EXOSC8: variants seen among roughly 807,000 people sequenced by gnomAD.
The protein encoded by EXOSC8 is exosome component 8, also known as exosome complex component RRP43.
A neutral mutation model predicts 39.9 loss-of-function variants in EXOSC8; 37 were observed. That is an observed-to-expected ratio of 0.93 (90% confidence interval 0.71 to 1.22). The LOEUF (loss-of-function observed/expected upper bound fraction) is 1.22. Among genes scored for constraint, EXOSC8 ranks in the 50% most tolerant of loss-of-function variants. The probability of loss-of-function intolerance (pLI) is 0.00; values close to 1 mark genes in which losing one functional copy is unlikely to be tolerated. For missense variants in EXOSC8, 313 were observed against 326.6 expected (o/e 0.96, Z 0.32); for synonymous variants, 93 against 109.5 (o/e 0.85, Z 0.94).
At chr13:37,007,155 C>T (rs2059144663) in intron 8 of EXOSC8, 84 bp downstream of exon 8, 6 of 833,962 alleles carry the variant, frequency 7.2e-6, no homozygotes, top group Middle Eastern at 2.2e-4. Flanking sequence ...CATTTGCTTT[C>T]GTATGCTTCC....
intron 4 of EXOSC8, chr13:37,004,164 G>A (rs1437492884): frequency 2.8e-5 from 5 of 175,578 alleles, no homozygotes; most frequent in Admixed American, 6.3e-5. Context: ...GAGCCACCGC[G>A]CCCAGCTGAG....
Position 37,006,961 on chromosome 13 carries a change from T to G in EXOSC8, c.391-14T>G. The G allele has an allele frequency of 6.5e-7, 1 of 1,546,254 alleles. No individual in the cohort carries two copies. Among genetic ancestry groups the G allele is most frequent in the Non-Finnish European group, 8.9e-7 (1 of 1,118,376 alleles). Reference sequence around the variant, plus strand: ...GAAGACTTTAATTTCCTTTTGTGTTTAATTCTATTTTAGCTTGTCTGGGTT... The same window carrying G: ...GAAGACTTTAATTTCCTTTTGTGTTGAATTCTATTTTAGCTTGTCTGGGTT... On this transcript the variant is annotated splice_polypyrimidine_tract_variant and intron_variant, in intron 7 of 10. Transcript: ENST00000389704.
In EXOSC8 at chr13:37,009,209, A is replaced by G; in HGVS notation, c.741A>G (p.Lys247=). Residue 247 remains lysine, a synonymous_variant, in exon 11 of 11, where the codon AAA becomes AAG. Transcript: ENST00000389704. ...KPGGSGLTGA[K]LQDCMSRAVT... ...GTGGAAGTGGGCTAACTGGAGCTAA[A>G]CTTCAGGACTGTATGAGCCGAGCAG... 6.2e-7 allele frequency: 1 copy of G among 1,611,810 alleles called. No homozygotes were observed.
At chr13:37,004,234 A>T (rs2059124314) in intron 4 of EXOSC8, 1 of 292,486 alleles carries the variant, frequency 3.4e-6, no homozygotes, top group Non-Finnish European at 6.3e-6. Context: ...TCTGGAGAAC[A>T]AATTAAGATT....
Position 37,009,039 on chromosome 13 carries a change from T to C in EXOSC8, c.716-145T>C, listed in dbSNP as rs1292195094. 14 of 694,502 alleles carry C rather than the reference T, an allele frequency of 2.0e-5. No individual in the cohort carries two copies. The Admixed American group carries it at 3.6e-4, about 18-fold the overall frequency. 43.0% of individuals were successfully genotyped at this position (694,502 alleles called of 1,614,324 possible). A position where few individuals can be genotyped will look rare whatever the true frequency, so the allele number is the denominator to read the frequency against. On this transcript the variant is annotated intron_variant, in intron 10 of 10. Transcript: ENST00000389704. Reference sequence around the variant, plus strand: ...GACATACATTAGAATCACTTGGAGGTCTTGTGAAACTAACTTGTAGATCTT... The same window carrying C: ...GACATACATTAGAATCACTTGGAGGCCTTGTGAAACTAACTTGTAGATCTT...
chr13:37,005,556 A>C (rs2059132770), intron 5 of EXOSC8, among the ~76,000 whole-genome samples: 1 of 152,066 alleles, frequency 6.6e-6, no homozygotes, highest in African/African-American at 2.4e-5. Context: ...TACCTTTAAC[A>C]CTTCAGTAAT....
intron 10 of EXOSC8, 117 bp from the exon 11 acceptor site, chr13:37,009,067 G>A: frequency 1.4e-6 from 1 of 739,940 alleles, no homozygotes; most frequent in Non-Finnish European, 2.3e-6. Flanking sequence ...TAGATCTTGA[G>A]ACTGTACCCT....
At chr13:37,008,026 T>A in intron 8 of EXOSC8, 31 bp from the exon 9 acceptor site, 1 of 1,510,248 alleles carries the variant, frequency 6.6e-7, no homozygotes. Flanking sequence ...TCTTAGAGAC[T>A]TACTTACTTT....
intron 9 of EXOSC8, 65 bp from the exon 10 acceptor site, chr13:37,008,664 T>C (rs1222926052): frequency 6.2e-6 from 6 of 966,904 alleles, no homozygotes; most frequent in Non-Finnish European, 9.7e-6. Flanking sequence ...GCTGATAGTA[T>C]GTTTAGTATT....
rs2059111264 is a variant in EXOSC8, at chr13:37,002,261, C to G, written c.18-12C>G. The G allele has an allele frequency of 6.3e-7, 1 of 1,597,330 alleles. No homozygotes were observed. Among genetic ancestry groups the G allele is most frequent in the African/African-American group, 1.3e-5 (1 of 74,760 alleles). On this transcript the variant is annotated splice_polypyrimidine_tract_variant and intron_variant, in intron 1 of 10. Transcript: ENST00000389704. ...CAGTTTATCTCAGATATATTTTTAA[C>G]ACGTGTTTCAGAACCGTGGAACCTC...
At position 37,006,039 on chromosome 13, in the gene EXOSC8, G is replaced by A; in HGVS notation, c.344+14G>A. ...TGTCATTGAAAAGTAAGAGCACCAT[G>A]ATAAAATTTTATTACAATTCATTTT... On this transcript the variant is annotated intron_variant, in intron 6 of 10. Coordinates refer to ENST00000389704, the MANE Select transcript of EXOSC8 (RefSeq NM_181503.3). The A allele has an allele frequency of 6.3e-7, 1 of 1,589,060 alleles. No homozygotes were observed. The highest frequency in any genetic ancestry group is 8.6e-7 in the Non-Finnish European group (1 of 1,158,758).
intron 5 of EXOSC8, among the ~76,000 whole-genome samples, 199 bp from the exon 6 acceptor site, chr13:37,005,721 G>A (rs1021559331): frequency 3.3e-5 from 5 of 151,844 alleles, no homozygotes; most frequent in Admixed American, 1.3e-4. Flanking sequence ...AAAATTAGCC[G>A]GGCGTGGTGG....
rs745903345 is a variant in EXOSC8, at chr13:37,008,194, T to G, written c.608+17T>G. 5.7e-6 allele frequency: 9 copies of G among 1,585,014 alleles called. No individual in the cohort carries two copies. In the African/African-American group the frequency reaches 1.2e-4, roughly 22 times the overall value. On this transcript the variant is annotated intron_variant, in intron 9 of 10. Transcript: ENST00000389704. ...GTTTGATGAGTAAGTTAATCAAACTTACTTTAAAATTTTCTATATTTAAGA... is the reference window on the plus strand; with the variant it reads ...GTTTGATGAGTAAGTTAATCAAACTGACTTTAAAATTTTCTATATTTAAGA...
chr13:37,002,187 C>G, intron 1 of EXOSC8, 86 bp from the exon 2 acceptor site: 1 of 985,068 alleles, frequency 1.0e-6, no homozygotes, highest in Non-Finnish European at 1.6e-6. Flanking sequence ...TATGCTGCAT[C>G]ACCACACTTA....
chr13:37,002,866 A>T, intron 3 of EXOSC8, 68 bp from the exon 4 acceptor site: 1 of 1,049,816 alleles, frequency 9.5e-7, no homozygotes, highest in South Asian at 1.3e-5. Flanking sequence ...ACTTAATTTT[A>T]ATTATTATGT....
At chr13:37,002,199 G>A in intron 1 of EXOSC8, 74 bp from the exon 2 acceptor site, 1 of 1,145,560 alleles carries the variant, frequency 8.7e-7, no homozygotes, top group Non-Finnish European at 1.3e-6. Context: ...CCACACTTAA[G>A]ATCTTTGCCA....
intron 8 of EXOSC8, 141 bp downstream of exon 8, chr13:37,007,212 A>G: frequency 1.5e-6 from 1 of 668,976 alleles, no homozygotes; most frequent in Non-Finnish European, 2.7e-6. Context: ...TATAGTTGAT[A>G]GTTGTATATT....
rs1444100972 is a variant in EXOSC8 at position 37,003,003 on chromosome 13, A to C, written c.188A>C (p.Lys63Thr). 12 of 1,582,610 alleles carry C rather than the reference A, an allele frequency of 7.6e-6. No individual in the cohort carries two copies. The highest frequency in any genetic ancestry group is 1.0e-5 in the Non-Finnish European group (12 of 1,151,762). The change falls in exon 4 of 11, where the codon AAA becomes ACA. Residue 63 changes from lysine (K) to threonine (T), a missense_variant. Physicochemically the swap from Lys to Thr is moderately conservative, Grantham distance 78. Transcript: ENST00000389704. The part of the protein sequence containing the change: ...LGNTTVICGV[K>T]AEFAAPSTDA... ...AATACTACAGTAATCTGTGGAGTTA[A>C]AGCAGTAAGTCTAAATATGTCCTAT...
At chr13:37,008,945 G>A in intron 10 of EXOSC8, 110 bp downstream of exon 10, 1 of 785,182 alleles carries the variant, frequency 1.3e-6, no homozygotes, top group Non-Finnish European at 2.2e-6. Context: ...CCTAATTTTA[G>A]TATAGTTTCT....
Sources: gnomAD v4.1 joint callset for allele counts (sites outside exome capture counted in the v4.1 genomes callset) on GRCh38, gnomAD v4.1.1 for gene constraint, MANE v1.5 for transcripts, NCBI Gene and HGNC (gene_info 2026-07-23, HGNC 2026-07-21) for gene names.